TMPRSS9: variants seen among roughly 807,000 people sequenced by gnomAD.
TMPRSS9 encodes the protein transmembrane protease serine 9.
Under a neutral mutation model 111.4 loss-of-function variants are expected in TMPRSS9, and 113 were observed. The observed-to-expected ratio is 1.01, with a 90% CI of 0.87 to 1.19. TMPRSS9 has a LOEUF of 1.19. Ranked by LOEUF, TMPRSS9 falls within the 50% of genes most tolerant of loss-of-function variation. The pLI is 0.00. For missense variants in TMPRSS9, 1,803 were observed against 1,513.1 expected, an observed-to-expected ratio of 1.19 and a Z score of -3.18; for synonymous variants, 805 against 659.1, an observed-to-expected ratio of 1.22 and a Z score of -3.39.
upstream of TMPRSS9, among the ~76,000 whole-genome samples, chr19:2,386,716 G>T (rs535267638): frequency 2.0e-5 from 3 of 152,282 alleles, no homozygotes; most frequent in Admixed American, 6.5e-5. Context: ...ACTGCTGCCA[G>T]CACAGTGGCT....
At chr19:2,369,117 A>G (rs1346022776) in intron 1 of TMPRSS9, among the ~76,000 whole-genome samples, 1 of 151,568 alleles carries the variant, frequency 6.6e-6, no homozygotes, top group Non-Finnish European at 1.5e-5. Context: ...ACACCCAGCT[A>G]ATTTTGTATT....
Position 2,398,791 on chromosome 19 carries a change from G to A in TMPRSS9, c.271-4G>A, listed in dbSNP as rs1970762923. ...AACATTTGATATTCTTGTTTCTATT[G>A]CAGTTTGTAAGTAGTTTTCAGAAGA... On this transcript the variant is annotated splice_region_variant and splice_polypyrimidine_tract_variant and intron_variant, in intron 2 of 17. Coordinates refer to ENST00000648592, the Ensembl canonical transcript of TMPRSS9. 3 of 1,446,050 alleles carry A rather than the reference G, an allele frequency of 2.1e-6. No individual in the cohort carries two copies. The highest frequency in any genetic ancestry group is 1.4e-5 in the African/African-American group (1 of 71,026). 89.6% of individuals were successfully genotyped at this position (1,446,050 alleles called of 1,614,324 possible). A position where few individuals can be genotyped will look rare whatever the true frequency, so the allele number is the denominator to read the frequency against.
intron 1 of TMPRSS9, among the ~76,000 whole-genome samples, chr19:2,375,124 G>A (rs760731364): frequency 7.2e-5 from 11 of 152,156 alleles, no homozygotes; most frequent in Non-Finnish European, 1.6e-4. Context: ...TCCTTCTGTT[G>A]GCCACCAAGA....
intron 7 of TMPRSS9, among the ~76,000 whole-genome samples, chr19:2,406,840 G>A (rs1970980493): frequency 6.8e-6 from 1 of 147,142 alleles, no homozygotes; most frequent in Non-Finnish European, 1.5e-5. Flanking sequence ...TCACTCTGTC[G>A]CCCTGCTGGA....
chr19:2,415,240 C>A (rs989514949), intron 10 of TMPRSS9, among the ~76,000 whole-genome samples: 2 of 152,046 alleles, frequency 1.3e-5, no homozygotes, highest in African/African-American at 2.4e-5. Context: ...CCACCGCGCC[C>A]GGCCATGCTT....
intron 12 of TMPRSS9, among the ~76,000 whole-genome samples, chr19:2,417,168 G>A (rs1217478751): frequency 6.6e-6 from 1 of 152,122 alleles, no homozygotes; most frequent in Non-Finnish European, 1.5e-5. Flanking sequence ...ACCATTTATA[G>A]AAAATGTTTG....
At chr19:2,382,743 A>G (rs1344420910) in intron 1 of TMPRSS9, among the ~76,000 whole-genome samples, 3 of 151,866 alleles carry the variant, frequency 2.0e-5, no homozygotes, top group Admixed American at 1.3e-4. Flanking sequence ...GCACAAACGC[A>G]CACATCCACA....
At chr19:2,424,229 C>T in exon 15 of TMPRSS9, 2 of 1,419,832 alleles carry the variant, frequency 1.4e-6, no homozygotes, top group East Asian at 2.7e-5. Context: ...AGAGAGGTGG[C>T]TGCTGTCGGC....
At chr19:2,405,594 T>A in intron 7 of TMPRSS9, 49 bp downstream of exon 8, 1 of 1,456,094 alleles carries the variant, frequency 6.9e-7, no homozygotes, top group Non-Finnish European at 9.1e-7. Flanking sequence ...GTATTTCTCC[T>A]GCCTTCCCTC....
intron 1 of TMPRSS9, among the ~76,000 whole-genome samples, chr19:2,374,945 G>A (rs1970320248): frequency 6.6e-6 from 1 of 152,198 alleles, no homozygotes; most frequent in Non-Finnish European, 1.5e-5. Flanking sequence ...GGCACCAGGG[G>A]GCACAGAACT....
chr19:2,373,174 G>A (rs1970303823), intron 1 of TMPRSS9, among the ~76,000 whole-genome samples: 1 of 151,832 alleles, frequency 6.6e-6, no homozygotes, highest in Non-Finnish European at 1.5e-5. Context: ...ATAATGAGAT[G>A]GGTAATTCAC....
At chr19:2,405,582 C>G (rs771842654) in intron 7 of TMPRSS9, 37 bp downstream of exon 8, 4 of 1,474,840 alleles carry the variant, frequency 2.7e-6, no homozygotes, top group South Asian at 2.9e-5. Context: ...CCCGAACCCT[C>G]TGTATTTCTC....
intron 8 of TMPRSS9, among the ~76,000 whole-genome samples, chr19:2,409,796 C>T (rs548451275): frequency 3.8e-4 from 57 of 151,934 alleles, no homozygotes; most frequent in Admixed American, 6.6e-4. Flanking sequence ...TGCTGGCTGC[C>T]GGGTTGGGAA....
chr19:2,393,101 T>C (rs1050001217), intron 1 of TMPRSS9, among the ~76,000 whole-genome samples: 3 of 152,146 alleles, frequency 2.0e-5, no homozygotes, highest in Non-Finnish European at 2.9e-5. Flanking sequence ...CAGGAGGATG[T>C]GGGTGGGGCC....
intron 13 of TMPRSS9, among the ~76,000 whole-genome samples, chr19:2,421,183 G>A (rs1450115978): frequency 1.3e-5 from 2 of 152,050 alleles, no homozygotes; most frequent in Non-Finnish European, 2.9e-5. Context: ...TCTGGCCTGG[G>A]CAACAAGAGC....
Position 2,408,540 on chromosome 19 carries a change from C to T in TMPRSS9, c.1027C>T (p.Gln343Ter). ...CCCTCTGCCTTTCGGCCGGCACATC[C>T]AGCCCGTGTGCCTCCCGGCTGCCAC... is the stretch of plus-strand genomic sequence containing the variant. The change falls in exon 8 of 18, where the codon CAG becomes TAG. Residue 343 changes from glutamine to a stop codon, truncating the protein, a stop_gained. Coordinates refer to ENST00000648592, the Ensembl canonical transcript of TMPRSS9. LOFTEE classifies it high-confidence loss of function. 6.2e-7 allele frequency: 1 copy of T among 1,613,756 alleles called. No homozygotes were observed. Among genetic ancestry groups the T allele is most frequent in the East Asian group, 2.2e-5 (1 of 44,880 alleles).
intron 15 of TMPRSS9, among the ~76,000 whole-genome samples, chr19:2,424,541 C>T (rs568227687): frequency 1.4e-5 from 2 of 139,486 alleles, no homozygotes; most frequent in East Asian, 2.0e-4. Context: ...GCGGCCCCCC[C>T]CCTCCAGCTC....
intron 8 of TMPRSS9, among the ~76,000 whole-genome samples, chr19:2,409,435 C>G (rs894116804): frequency 6.6e-6 from 1 of 152,028 alleles, no homozygotes; most frequent in Non-Finnish European, 1.5e-5. Flanking sequence ...AGCCACCTCA[C>G]CCGGCCAAAA....
intron 7 of TMPRSS9, among the ~76,000 whole-genome samples, chr19:2,407,668 C>T (rs1229697847): frequency 3.7e-5 from 5 of 136,808 alleles, no homozygotes; most frequent in East Asian, 2.1e-4. Flanking sequence ...AGTGCAGTGG[C>T]GCAGTGATAG....
Sources: allele counts gnomAD v4.1 joint callset (sites outside exome capture counted in the v4.1 genomes callset), GRCh38; gene constraint gnomAD v4.1.1; transcripts MANE v1.5; gene names NCBI Gene and HGNC (gene_info 2026-07-23, HGNC 2026-07-21).